The following VWA5B1 variants were observed in gnomAD, a reference collection of about 807,000 sequenced individuals.
The protein encoded by VWA5B1 is von Willebrand factor A domain-containing protein 5B1.
VWA5B1 carries 115 observed loss-of-function variants against 118.2 expected under a neutral mutation model. The ratio of observed to expected loss-of-function variants is 0.97; its 90% CI spans 0.84 to 1.14. VWA5B1 has a LOEUF of 1.14. Ranked by LOEUF, VWA5B1 falls within the 50% of genes most tolerant of loss-of-function variation. The probability of loss-of-function intolerance (pLI) is 0.00; values close to 1 mark genes in which losing one functional copy is unlikely to be tolerated. For missense variants in VWA5B1, 1,596 were observed against 1,603.8 expected (o/e 1.00, Z 0.08); for synonymous variants, 682 against 658.4 (o/e 1.04, Z -0.55).
chr1:20,304,101 A>C (rs12134413), intron 1 of VWA5B1, among the ~76,000 whole-genome samples: 8,932 of 152,300 alleles, frequency 0.059, 326 homozygotes, highest in Non-Finnish European at 0.076. Context: ...GAGCTGGAAC[A>C]AGGCAAAGGA....
intron 2 of VWA5B1, 86 bp downstream of exon 2, chr1:20,310,826 T>C: frequency 7.0e-7 from 1 of 1,423,330 alleles, no homozygotes; most frequent in Non-Finnish European, 9.2e-7. Flanking sequence ...TGACTGACCT[T>C]AGGCAAGTCA....
At chr1:20,292,287 G>A (rs2088325693) in intron 1 of VWA5B1, among the ~76,000 whole-genome samples, 2 of 151,812 alleles carry the variant, frequency 1.3e-5, no homozygotes, top group Non-Finnish European at 2.9e-5. Flanking sequence ...AACCCAGCCA[G>A]CTCATGGGGA....
rs1425175341 is a variant in VWA5B1, at chr1:20,337,975, G to A, written c.2133+139G>A. ...AGTCACTCCCTCTTTCCTTCCCTAG[G>A]CCTTCATCTGCCTTACCTCCGAGGA... On this transcript the variant is annotated intron_variant, in intron 14 of 21. Transcript: ENST00000289815. 4.7e-6 allele frequency: 5 copies of A among 1,063,132 alleles called. No homozygotes were observed. In the South Asian group the frequency reaches 5.4e-5, roughly 12 times the overall value. The allele number at this position is 1,063,132 out of a possible 1,614,324, so 65.9% of individuals were successfully genotyped here. A position where few individuals can be genotyped will look rare whatever the true frequency, so the allele number is the denominator to read the frequency against.
chr1:20,330,870 T>A lies in VWA5B1; in HGVS notation c.1459T>A (p.Cys487Ser), dbSNP rs1372101614. 8 of 1,551,658 alleles carry A rather than the reference T, an allele frequency of 5.2e-6. No homozygotes were observed. Among genetic ancestry groups the A allele is most frequent in the East Asian group, 4.9e-5 (2 of 40,916 alleles). Residue 487 changes from cysteine to serine, a missense_variant and splice_region_variant, in exon 11 of 22, where the codon TGC becomes AGC. Coordinates refer to ENST00000289815, the MANE Select transcript of VWA5B1 (RefSeq NM_001039500.3). ...LVRNHAFSTR[C>S]YSFGIGPNVC... Reference sequence around the variant, plus strand: ...GCCTCTCTTCTCCCTTTCCGCCAGGTGCTATAGCTTTGGAATTGGACCCAA... The same window carrying A: ...GCCTCTCTTCTCCCTTTCCGCCAGGAGCTATAGCTTTGGAATTGGACCCAA...
At position 20,359,383 on chromosome 1, in the gene VWA5B1, G is replaced by A. The variant is rs1049680301; in HGVS notation, c.*5120G>A. Among the ~76,000 whole-genome samples the A allele has an allele frequency of 1.3e-5, 2 of 152,138 alleles. No homozygotes were observed. The highest frequency in any genetic ancestry group is 4.8e-5 in the African/African-American group (2 of 41,424). On this transcript the variant is annotated 3_prime_UTR_variant, in exon 22 of 22. Transcript: ENST00000289815. The stretch of plus-strand genomic sequence containing the variant: ...GATGTCATGGAAGCCCTGGATGTCA[G>A]CCGTCTAATGTCCACTAATACTCAG...
intron 1 of VWA5B1, among the ~76,000 whole-genome samples, chr1:20,301,637 C>T (rs2088506176): frequency 6.6e-6 from 1 of 152,208 alleles, no homozygotes; most frequent in Non-Finnish European, 1.5e-5. Flanking sequence ...TCTCCCTGTG[C>T]GCCACCAGCC....
chr1:20,324,696 A>C (rs1199209888), intron 8 of VWA5B1, among the ~76,000 whole-genome samples: 1 of 151,114 alleles, frequency 6.6e-6, no homozygotes, highest in African/African-American at 2.4e-5. Context: ...TCTTGTTTCC[A>C]GGGCAGCAAG....
intron 8 of VWA5B1, among the ~76,000 whole-genome samples, chr1:20,327,287 G>T (rs1293544738): frequency 6.6e-6 from 1 of 152,166 alleles, no homozygotes; most frequent in Non-Finnish European, 1.5e-5. Flanking sequence ...AAGCGTACCT[G>T]CCTCGAAGGG....
chr1:20,330,803 C>G, intron 10 of VWA5B1, 66 bp from the exon 11 acceptor site: 1 of 1,449,726 alleles, frequency 6.9e-7, no homozygotes, highest in African/African-American at 1.4e-5. Context: ...CTGTCCCTTT[C>G]TGCATCAGGA....
rs1016155524 is a variant in VWA5B1 at position 20,306,293 on chromosome 1, A to G, written c.-26-4283A>G. Among the ~76,000 whole-genome samples, 59 of 152,060 alleles carry G rather than the reference A, an allele frequency of 3.9e-4. 1 individual carries two copies. The highest frequency in any genetic ancestry group is 1.3e-3 in the African/African-American group (56 of 41,492). ...CATGTCTAGAGGCTGGAGTGAATCA[A>G]TTAAGGGGTGGTCAGAAGGGAAACC... On this transcript the variant is annotated intron_variant, in intron 1 of 21. Transcript: ENST00000289815.
chr1:20,320,891 C>T (rs1013566107), intron 7 of VWA5B1, among the ~76,000 whole-genome samples: 4 of 152,072 alleles, frequency 2.6e-5, no homozygotes, highest in African/African-American at 9.7e-5. Context: ...TCAAAAGAGC[C>T]CGTCTGGGCT....
chr1:20,334,230 T>C (rs1491004378), intron 12 of VWA5B1, among the ~76,000 whole-genome samples: 1 of 152,178 alleles, frequency 6.6e-6, no homozygotes, highest in Admixed American at 6.5e-5. Flanking sequence ...GTTAATGTGT[T>C]ATGGAAAATG....
chr1:20,347,094 A>T (rs2090023300), intron 17 of VWA5B1, among the ~76,000 whole-genome samples: 2 of 152,178 alleles, frequency 1.3e-5, no homozygotes, highest in South Asian at 4.1e-4. Flanking sequence ...GCCCCCTAAG[A>T]TCTAGATCAG....
At chr1:20,291,177 T>TGTGTGTGTGTGG (rs2088290898) in intron 1 of VWA5B1, 89 bp downstream of exon 1, 1 of 101,004 alleles carries the variant, frequency 9.9e-6, no homozygotes, top group African/African-American at 9.5e-5. Context: ...TGTGTGTGTG[T>TGTGTGTGTGTGG]ATGTGTGTGT....
chr1:20,326,718 G>A (rs2089396329), intron 8 of VWA5B1, among the ~76,000 whole-genome samples: 1 of 151,858 alleles, frequency 6.6e-6, no homozygotes, highest in Non-Finnish European at 1.5e-5. Context: ...CAAAGTGCTC[G>A]GATTACAAGC....
intron 1 of VWA5B1, among the ~76,000 whole-genome samples, chr1:20,302,923 G>A (rs536073991): frequency 3.3e-5 from 5 of 152,314 alleles, no homozygotes; most frequent in Admixed American, 1.3e-4. Flanking sequence ...TAAATGGGGT[G>A]AGGGTTGGCC....
chr1:20,344,988 G>A (rs2089976945), intron 16 of VWA5B1, among the ~76,000 whole-genome samples: 1 of 152,114 alleles, frequency 6.6e-6, no homozygotes, highest in Non-Finnish European at 1.5e-5. Context: ...AACTTGCTGT[G>A]TGACCCTCAG....
chr1:20,323,250 G>C (rs1210077858), intron 7 of VWA5B1, 106 bp from the exon 8 acceptor site: 10 of 1,136,602 alleles, frequency 8.8e-6, no homozygotes, highest in Non-Finnish European at 1.0e-5. Context: ...TCCATGCAGA[G>C]CCTGAGCAGG....
At chr1:20,336,558 C>A in intron 13 of VWA5B1, 72 bp downstream of exon 13, 1 of 1,280,706 alleles carries the variant, frequency 7.8e-7, no homozygotes. Flanking sequence ...TGGTAAAAAC[C>A]ACCTCATTGA....
Sources: allele counts gnomAD v4.1 joint callset (sites outside exome capture counted in the v4.1 genomes callset), GRCh38; gene constraint gnomAD v4.1.1; transcripts MANE v1.5; gene names NCBI Gene and HGNC (gene_info 2026-07-23, HGNC 2026-07-21).